Variants in IGF2BP1 observed in about 807,000 individuals in gnomAD.
IGF2BP1 encodes insulin-like growth factor 2 mRNA-binding protein 1.
A neutral mutation model predicts 74.9 loss-of-function variants in IGF2BP1; 11 were observed. The observed-to-expected ratio is 0.15, with a 90% CI of 0.09 to 0.24. The LOEUF is 0.24. Ranked by LOEUF, IGF2BP1 falls within the 10% of genes least tolerant of loss-of-function variation. The pLI is 1.00. For missense variants in IGF2BP1, 440 were observed against 757.4 expected (o/e 0.58, Z 4.92); for synonymous variants, 287 against 281.8 (o/e 1.02, Z -0.18).
chr17:49,007,208 G>A (rs137903264), intron 2 of IGF2BP1, among the ~76,000 whole-genome samples: 1 of 152,142 alleles, frequency 6.6e-6, no homozygotes, highest in Non-Finnish European at 1.5e-5. Flanking sequence ...CCTGCTCTTG[G>A]TAAGCTAACA....
chr17:49,001,116 C>G (rs1186312510), intron 2 of IGF2BP1, among the ~76,000 whole-genome samples: 4 of 152,014 alleles, frequency 2.6e-5, no homozygotes, highest in African/African-American at 9.7e-5. Context: ...TTTGAAGTCT[C>G]AAGATTTAAA....
intron 5 of IGF2BP1, chr17:49,037,351 T>C (rs2042002253): frequency 2.0e-6 from 1 of 506,504 alleles, no homozygotes; most frequent in South Asian, 2.1e-5. Flanking sequence ...GAATGCAAAA[T>C]GGAATACCTG....
intron 7 of IGF2BP1, among the ~76,000 whole-genome samples, chr17:49,041,049 T>C (rs1319456322): frequency 6.6e-6 from 1 of 152,118 alleles, no homozygotes; most frequent in South Asian, 2.1e-4. Context: ...CGTGGCGGCC[T>C]GTGCGTATAG....
intron 2 of IGF2BP1, among the ~76,000 whole-genome samples, chr17:49,008,916 A>G (rs1404369609): frequency 1.3e-5 from 2 of 152,056 alleles, no homozygotes; most frequent in Non-Finnish European, 2.9e-5. Flanking sequence ...ATTTTTATCT[A>G]GTAAGAGTCT....
At position 49,055,858 on chromosome 17, in the gene IGF2BP1, T is replaced by TA. The variant is rs1555603991; in HGVS notation, c.*6417dup. 5.0e-4 allele frequency among the ~76,000 whole-genome samples: 75 copies of TA among 149,192 alleles called. No homozygotes were observed. The highest frequency in any genetic ancestry group is 1.4e-3 in the African/African-American group (58 of 40,610). ...ACAGTTTTTTTTTTTTTTTTTTTTT[T>TA]AAATATGAGTGCTAGCTTATTCTGT... On this transcript the variant is annotated 3_prime_UTR_variant, in exon 15 of 15. Coordinates refer to ENST00000290341, the MANE Select transcript of IGF2BP1 (RefSeq NM_006546.4).
intron 5 of IGF2BP1, among the ~76,000 whole-genome samples, chr17:49,035,276 T>C (rs987382958): frequency 1.3e-4 from 20 of 152,250 alleles, no homozygotes; most frequent in African/African-American, 4.8e-4. Context: ...ACTTCTACCT[T>C]ACACTGAACA....
chr17:49,022,620 C>A (rs1362610731), intron 2 of IGF2BP1, among the ~76,000 whole-genome samples: 1 of 152,130 alleles, frequency 6.6e-6, no homozygotes, highest in Non-Finnish European at 1.5e-5. Flanking sequence ...CCCTCCCTCT[C>A]CTGGAACATT....
At chr17:49,041,788 C>T (rs1210580403) in intron 8 of IGF2BP1, among the ~76,000 whole-genome samples, 1 of 152,224 alleles carries the variant, frequency 6.6e-6, no homozygotes. Flanking sequence ...CAGCCTGCAG[C>T]TAGGAGCCAG....
At chr17:49,025,853 CTTTCTTTTTT>C (rs1190120815) in intron 3 of IGF2BP1, among the ~76,000 whole-genome samples, 187 bp downstream of exon 3, 5 of 140,414 alleles carry the variant, frequency 3.6e-5, no homozygotes, top group Non-Finnish European at 3.0e-5. Flanking sequence ...TCTTTCTTTT[CTTTCTTTTTT>C]TTTTTTTTTG....
rs1490647786 is a variant in IGF2BP1 at position 49,019,743 on chromosome 17, T to C, written c.237-5875T>C. 3.3e-5 allele frequency among the ~76,000 whole-genome samples: 5 copies of C among 150,830 alleles called. 2 individuals carry two copies. The Middle Eastern group carries it at 0.016, about 477-fold the overall frequency. ...GCCATTGTGCCTGGCTCCTAACTTA[T>C]ACTTTATTTATTTAGTTTGAGACAG... On this transcript the variant is annotated intron_variant, in intron 2 of 14. Transcript: ENST00000290341.
chr17:49,024,252 G>T (rs906768458), intron 2 of IGF2BP1, among the ~76,000 whole-genome samples: 3 of 151,850 alleles, frequency 2.0e-5, no homozygotes, highest in Admixed American at 6.6e-5. Context: ...TTTAAAGATG[G>T]GAAGAAGAAA....
chr17:48,997,133 G>A (rs1372942576), upstream of IGF2BP1, among the ~76,000 whole-genome samples: 1 of 150,700 alleles, frequency 6.6e-6, no homozygotes. The surrounding 1 kb of genome is among the most constrained non-coding windows in gnomAD (Gnocchi z 4.8). Flanking sequence ...GGGGTAGGGG[G>A]ATGGGTGGGG....
At chr17:49,047,300 A>G (rs957872113) in intron 14 of IGF2BP1, among the ~76,000 whole-genome samples, 2 of 152,148 alleles carry the variant, frequency 1.3e-5, no homozygotes, top group Admixed American at 6.5e-5. Context: ...AGAAGTATTA[A>G]CAAGAGGCTT....
In IGF2BP1 at chr17:49,038,412, G is replaced by A. The variant is rs1254463789; in HGVS notation, c.646G>A (p.Ala216Thr). ...GGGTGCCATTATTGGCAAGGAGGGG[G>A]CCACCATCCGCAACATCACAAAACA... ...YVGAIIGKEG[A>T]TIRNITKQTQ... The change falls in exon 6 of 15, where the codon GCC becomes ACC. Residue 216 changes from alanine (A) to threonine (T), a missense_variant. This residue lies in a region of IGF2BP1 where 184 missense variants were observed against 273.4 expected (regional missense o/e 0.67). Coordinates refer to ENST00000290341, the MANE Select transcript of IGF2BP1 (RefSeq NM_006546.4). 1.9e-6 allele frequency: 3 copies of A among 1,570,626 alleles called. No homozygotes were observed. The African/African-American group carries it at 4.1e-5, about 21-fold the overall frequency.
At chr17:49,047,714 C>CTT (rs34788963) in intron 14 of IGF2BP1, among the ~76,000 whole-genome samples, 15 of 137,824 alleles carry the variant, frequency 1.1e-4, no homozygotes, top group East Asian at 6.2e-4. Context: ...TCAACTTCCT[C>CTT]TTTTTTTTTT....
intron 12 of IGF2BP1, among the ~76,000 whole-genome samples, chr17:49,045,671 T>C (rs545983525): frequency 6.6e-6 from 1 of 152,310 alleles, no homozygotes; most frequent in African/African-American, 2.4e-5. Context: ...TCATAACTCA[T>C]AATCTCCACC....
At chr17:49,010,837 A>C (rs999275084) in intron 2 of IGF2BP1, among the ~76,000 whole-genome samples, 13 of 152,064 alleles carry the variant, frequency 8.5e-5, no homozygotes, top group Admixed American at 2.6e-4. Flanking sequence ...TGGGAGGCAC[A>C]CAAACTCAGG....
chr17:49,004,335 TC>T lies in IGF2BP1; in HGVS notation c.236+5168del, dbSNP rs1349521676. Among the ~76,000 whole-genome samples, 17 of 149,200 alleles carry T rather than the reference TC, an allele frequency of 1.1e-4. No homozygotes were observed. The South Asian group carries it at 3.1e-3, about 28-fold the overall frequency. On this transcript the variant is annotated intron_variant, in intron 2 of 14. Coordinates refer to ENST00000290341, the MANE Select transcript of IGF2BP1 (RefSeq NM_006546.4). ...TGCGGGCTGCGGGCTGCAGACCCTTTCCAGCACCTGGGCTGCCTCAGGAGCT... is the reference window on the plus strand; with the variant it reads ...TGCGGGCTGCGGGCTGCAGACCCTTTCAGCACCTGGGCTGCCTCAGGAGCT...
In IGF2BP1 at chr17:49,016,202, A is replaced by G. The variant is rs115230525; in HGVS notation, c.237-9416A>G. Among the ~76,000 whole-genome samples, 1,456 of 152,318 alleles carry G rather than the reference A, an allele frequency of 9.6e-3. 22 individuals are homozygous for G. Among genetic ancestry groups the G allele is most frequent in the African/African-American group, 0.033 (1,373 of 41,546 alleles). On this transcript the variant is annotated intron_variant, in intron 2 of 14. Coordinates refer to ENST00000290341, the MANE Select transcript of IGF2BP1 (RefSeq NM_006546.4). ...CAGTGGAGTTTGGTGCAGTGAGCAC[A>G]AGCAGCCTACTAGTCCTGCCTCCAA...
Sources: gnomAD v4.1 joint callset for allele counts (sites outside exome capture counted in the v4.1 genomes callset) on GRCh38, gnomAD v4.1.1 for gene constraint, gnomAD v4.1.1 regional missense constraint, Gnocchi (gnomAD v3.1) non-coding constraint, MANE v1.5 for transcripts, NCBI Gene and HGNC (gene_info 2026-07-23, HGNC 2026-07-21) for gene names.